The following ERCC8 variants were observed in gnomAD, a reference collection of about 807,000 sequenced individuals.
ERCC8 encodes ERCC excision repair 8, CSA ubiquitin ligase complex subunit.
A neutral mutation model predicts 54.9 loss-of-function variants in ERCC8; 52 were observed. The observed-to-expected ratio is 0.95, with a 90% CI of 0.76 to 1.19. The LOEUF (loss-of-function observed/expected upper bound fraction) is 1.19, where lower values mean the gene tolerates loss of function less well. Among genes scored for constraint, ERCC8 ranks in the 50% most tolerant of loss-of-function variants. The pLI is 0.00. For missense variants in ERCC8, 514 were observed against 466.1 expected (o/e 1.10, Z -0.95); for synonymous variants, 146 against 157.2 (o/e 0.93, Z 0.53).
intron 3 of ERCC8, among the ~76,000 whole-genome samples, chr5:60,921,446 G>A (rs920617173): frequency 6.6e-6 from 1 of 151,880 alleles, no homozygotes; most frequent in African/African-American, 2.4e-5. Context: ...AAATTACAAT[G>A]TCACAAAACA....
intron 9 of ERCC8, chr5:60,892,276 C>T: frequency 1.8e-6 from 1 of 555,080 alleles, no homozygotes; most frequent in Admixed American, 1.9e-5. Flanking sequence ...CTATTTCCAT[C>T]ATCGGAGAAT....
intron 1 of ERCC8, among the ~76,000 whole-genome samples, chr5:60,929,651 A>G (rs971860577): frequency 2.6e-5 from 4 of 152,196 alleles, no homozygotes; most frequent in Non-Finnish European, 4.4e-5. Context: ...CTTAAATATC[A>G]ATACAAATAA....
intron 4 of ERCC8, 144 bp from the exon 5 acceptor site, chr5:60,905,017 C>CA: frequency 2.2e-6 from 1 of 460,538 alleles, no homozygotes; most frequent in Non-Finnish European, 4.0e-6. Flanking sequence ...TGTAATACCC[C>CA]AAAAAACCTT....
At chr5:60,877,933 C>T in intron 11 of ERCC8, among the ~76,000 whole-genome samples, 1 of 152,168 alleles carries the variant, frequency 6.6e-6, no homozygotes, top group Admixed American at 6.5e-5. Flanking sequence ...TGAGAGAGGG[C>T]ATCCCTGTCT....
intron 11 of ERCC8, among the ~76,000 whole-genome samples, chr5:60,881,890 C>T (rs1374207463): frequency 1.3e-5 from 2 of 152,212 alleles, no homozygotes; most frequent in African/African-American, 4.8e-5. Flanking sequence ...CCGACACTCC[C>T]CAGTGAGATG....
chr5:60,918,182 A>C (rs767492717), intron 4 of ERCC8, 83 bp downstream of exon 4: 261 of 1,109,156 alleles, frequency 2.4e-4, no homozygotes, highest in Non-Finnish European at 3.3e-4. Flanking sequence ...ATGACATCTC[A>C]GCAAATAATC....
intron 9 of ERCC8, among the ~76,000 whole-genome samples, chr5:60,897,579 A>C (rs1580001022): frequency 6.6e-6 from 1 of 152,328 alleles, no homozygotes; most frequent in African/African-American, 2.4e-5. Context: ...ATATCTGATA[A>C]GACTATAACC....
At chr5:60,898,630 T>C (rs1461179343) in intron 8 of ERCC8, among the ~76,000 whole-genome samples, 1 of 151,788 alleles carries the variant, frequency 6.6e-6, no homozygotes, top group Non-Finnish European at 1.5e-5. Context: ...CTGCCTAACA[T>C]ACTTTTCTTT....
At chr5:60,929,254 G>A (rs962258731) in intron 1 of ERCC8, among the ~76,000 whole-genome samples, 1 of 152,074 alleles carries the variant, frequency 6.6e-6, no homozygotes, top group African/African-American at 2.4e-5. Context: ...ATAAATTACA[G>A]GATTAAAAAA....
intron 2 of ERCC8, among the ~76,000 whole-genome samples, chr5:60,925,647 C>A (rs1021529895): frequency 2.0e-5 from 3 of 152,120 alleles, no homozygotes; most frequent in Non-Finnish European, 4.4e-5. Flanking sequence ...GTGCACAGAT[C>A]TTTTAGTTGT....
intron 4 of ERCC8, among the ~76,000 whole-genome samples, chr5:60,913,243 G>A (rs1215494610): frequency 4.6e-5 from 7 of 152,002 alleles, no homozygotes; most frequent in African/African-American, 1.7e-4. Context: ...TGGTTGGTAG[G>A]CTATTAATTA....
chr5:60,942,595 G>C (rs1249385326), intron 1 of ERCC8, among the ~76,000 whole-genome samples: 1 of 152,074 alleles, frequency 6.6e-6, no homozygotes, highest in Non-Finnish European at 1.5e-5. Context: ...AATCTATAGT[G>C]ACCTAAAGCA....
chr5:60,880,000 G>A (rs1327223535), intron 11 of ERCC8, among the ~76,000 whole-genome samples: 1 of 152,164 alleles, frequency 6.6e-6, no homozygotes, highest in Non-Finnish European at 1.5e-5. Context: ...GCAGTGGCTG[G>A]TACCGGTTGT....
At position 60,918,260 on chromosome 5, in the gene ERCC8, C is replaced by T; in HGVS notation, c.399+5G>A. 2 of 1,589,272 alleles carry T rather than the reference C, an allele frequency of 1.3e-6. No homozygotes were observed. Among genetic ancestry groups the T allele is most frequent in the Non-Finnish European group, 1.7e-6 (2 of 1,158,482 alleles). On this transcript the variant is annotated splice_donor_5th_base_variant and intron_variant, in intron 4 of 11. Transcript: ENST00000676185. ...AGCAATCTGCAAATGTTTTAATGTACTTACTTGTAATGTATTTGTATCCCA... is the reference window on the plus strand; with the variant it reads ...AGCAATCTGCAAATGTTTTAATGTATTTACTTGTAATGTATTTGTATCCCA...
chr5:60,937,615 A>C (rs1750106290), intron 1 of ERCC8, among the ~76,000 whole-genome samples: 1 of 152,150 alleles, frequency 6.6e-6, no homozygotes, highest in Non-Finnish European at 1.5e-5. Context: ...GCTCCCATGC[A>C]ACCTACAGCC....
chr5:60,919,343 C>G (rs979447906), intron 3 of ERCC8: 2 of 151,950 alleles, frequency 1.3e-5, no homozygotes, highest in African/African-American at 4.8e-5. Context: ...TTATACAACT[C>G]TCCAATCTTG....
intron 11 of ERCC8, among the ~76,000 whole-genome samples, chr5:60,887,061 C>A (rs184872402): frequency 2.1e-3 from 315 of 152,222 alleles, no homozygotes; most frequent in African/African-American, 7.4e-3. Flanking sequence ...TGTTAAAAAA[C>A]ATATGCATAG....
intron 1 of ERCC8, among the ~76,000 whole-genome samples, 155 bp downstream of exon 1, chr5:60,944,777 A>C (rs1414194514): frequency 1.5e-5 from 2 of 137,664 alleles, no homozygotes; most frequent in African/African-American, 5.3e-5. Context: ...CCAGTAAATA[A>C]AAGGGATCCT....
intron 4 of ERCC8, among the ~76,000 whole-genome samples, chr5:60,905,314 C>A (rs146144509): frequency 4.6e-5 from 7 of 152,292 alleles, no homozygotes; most frequent in Non-Finnish European, 8.8e-5. Context: ...CAATCTTCTA[C>A]CATTTTCAGC....
Sources: gnomAD v4.1 joint callset for allele counts (sites outside exome capture counted in the v4.1 genomes callset) on GRCh38, gnomAD v4.1.1 for gene constraint, MANE v1.5 for transcripts, NCBI Gene and HGNC (gene_info 2026-07-23, HGNC 2026-07-21) for gene names.